ROS1: variants seen among roughly 807,000 people sequenced by gnomAD.
ROS1 encodes proto-oncogene tyrosine-protein kinase ROS.
In ROS1, 263 loss-of-function variants were observed where a neutral mutation model predicts 273.5. That is an observed-to-expected ratio of 0.96 (90% CI 0.87 to 1.06). The LOEUF is 1.06. Ranked by LOEUF, ROS1 falls within the 50% of genes least tolerant of loss-of-function variation. The probability of loss-of-function intolerance (pLI) is 0.00; values close to 1 mark genes in which losing one functional copy is unlikely to be tolerated. For missense variants in ROS1, 2,833 were observed against 2,751.1 expected (o/e 1.03, Z -0.67); for synonymous variants, 1,008 against 954.1 (o/e 1.06, Z -1.04).
chr6:117,288,847 T>TACAAATAAA, intron 43 of ROS1, 45 bp from the exon 44 acceptor site: 1 of 1,426,772 alleles, frequency 7.0e-7, no homozygotes, highest in Non-Finnish European at 9.4e-7. Flanking sequence ...ATTTAATTAT[T>TACAAATAAA]TATTTGTAAT....
intron 27 of ROS1, among the ~76,000 whole-genome samples, chr6:117,349,200 C>T (rs1300363476): frequency 1.3e-5 from 2 of 151,818 alleles, no homozygotes; most frequent in Admixed American, 6.6e-5. Flanking sequence ...GTGATAGTGG[C>T]TTCATCTGTT....
Position 117,359,972 on chromosome 6 carries a change from T to C in ROS1, c.3470A>G (p.Asn1157Ser), listed in dbSNP as rs1779652984. ...PFPHLITLLG[N>S]KIVFLDMDQN... ...ATCCATATCTAAAAAAACTATCTTGTTACCAAGAAGAGTTATGAGGTGAGG... is the reference window on the plus strand; with the variant it reads ...ATCCATATCTAAAAAAACTATCTTGCTACCAAGAAGAGTTATGAGGTGAGG... The change falls in exon 24 of 44, where the codon AAC becomes AGC. Residue 1157 changes from asparagine to serine, a missense_variant. Coordinates refer to ENST00000368507, the MANE Select transcript of ROS1 (RefSeq NM_001378902.1). The C allele has an allele frequency of 2.5e-6, 4 of 1,613,732 alleles. No individual in the cohort carries two copies. The highest frequency in any genetic ancestry group is 1.7e-5 in the Admixed American group (1 of 59,970).
In ROS1 at chr6:117,366,099, T is replaced by A; in HGVS notation, c.2774A>T (p.Gln925Leu). 2.5e-6 allele frequency: 4 copies of A among 1,614,008 alleles called. No homozygotes were observed. Among genetic ancestry groups the A allele is most frequent in the Non-Finnish European group, 3.4e-6 (4 of 1,179,860 alleles). ...ACCTGGCAGGGGCTTAAGGGATGTCTGAATAATTGTGAACTGATTAAATCT... is the reference window on the plus strand; with the variant it reads ...ACCTGGCAGGGGCTTAAGGGATGTCAGAATAATTGTGAACTGATTAAATCT... ...PARFNQFTII[Q>L]TSLKPLPGNF... Residue 925 changes from glutamine (Q) to leucine (L), a missense_variant, in exon 19 of 44, where the codon CAG becomes CTG. Gln to Leu is a moderately radical substitution (Grantham distance 113). Coordinates refer to ENST00000368507, the MANE Select transcript of ROS1 (RefSeq NM_001378902.1).
chr6:117,396,204 G>A lies in ROS1; in HGVS notation c.867C>T (p.Thr289=), dbSNP rs1290624561. 1.2e-6 allele frequency: 2 copies of A among 1,613,110 alleles called. No homozygotes were observed. The highest frequency in any genetic ancestry group is 2.7e-5 in the African/African-American group (2 of 74,980). Residue 289 remains threonine, a synonymous_variant, in exon 9 of 44, where the codon ACC becomes ACT. Coordinates refer to ENST00000368507, the MANE Select transcript of ROS1 (RefSeq NM_001378902.1). ...GEGPEAESSI[T]TSSSAVQQEE... is the part of the protein sequence containing the mutation. ...GACCCATACCTGCTGAAGATGAAGT[G>A]GTAATACTAGATTCTGCTTCTGGAC...
At position 117,365,219 on chromosome 6, in the gene ROS1, G is replaced by T. The variant is rs1780119107; in HGVS notation, c.2959-15C>A. On this transcript the variant is annotated splice_polypyrimidine_tract_variant and intron_variant, in intron 20 of 43. Coordinates refer to ENST00000368507, the MANE Select transcript of ROS1 (RefSeq NM_001378902.1). ...CTAGCCAAGAACTAAAATATAAACA[G>T]AAAACATTATTTTCTCAGGGAGAGA... 2 of 1,562,166 alleles carry T rather than the reference G, an allele frequency of 1.3e-6. No individual in the cohort carries two copies. Among genetic ancestry groups the T allele is most frequent in the Non-Finnish European group, 1.7e-6 (2 of 1,151,318 alleles).
intron 7 of ROS1, 29 bp from the exon 8 acceptor site, chr6:117,397,145 C>T (rs1428238485): frequency 2.9e-6 from 4 of 1,398,416 alleles, no homozygotes; most frequent in Admixed American, 1.9e-5. Flanking sequence ...ACATAATGAG[C>T]AGAAAAATGT....
At chr6:117,337,434 T>G in intron 31 of ROS1, 94 bp from the exon 32 acceptor site, 4 of 894,750 alleles carry the variant, frequency 4.5e-6, no homozygotes, top group Non-Finnish European at 6.6e-6. Context: ...TGGTTAAAAT[T>G]TAAGCATTCT....
intron 1 of ROS1, among the ~76,000 whole-genome samples, chr6:117,422,361 C>A (rs1201993719): frequency 6.6e-6 from 1 of 152,082 alleles, no homozygotes; most frequent in Non-Finnish European, 1.5e-5. Flanking sequence ...TTGAATCTGG[C>A]AGTTATGTAG....
Position 117,414,552 on chromosome 6 carries a change from A to T in ROS1, c.229-7T>A, listed in dbSNP as rs777233453. 4 of 719,868 alleles carry T rather than the reference A, an allele frequency of 5.6e-6. No individual in the cohort carries two copies. In the African/African-American group the frequency reaches 7.4e-5, roughly 13 times the overall value. 44.6% of individuals were successfully genotyped at this position (719,868 alleles called of 1,614,324 possible). A position where few individuals can be genotyped will look rare whatever the true frequency, so the allele number is the denominator to read the frequency against. On this transcript the variant is annotated splice_region_variant and splice_polypyrimidine_tract_variant and intron_variant, in intron 3 of 43. Transcript: ENST00000368507. The stretch of plus-strand genomic sequence containing the variant: ...CGGTGGCATAAGTATCATTCTGCAT[A>T]GAAAAAAAAAAAGACTACTTAAAAT...
chr6:117,373,268 C>T (rs558254118), intron 18 of ROS1, among the ~76,000 whole-genome samples: 18 of 152,370 alleles, frequency 1.2e-4, no homozygotes, highest in African/African-American at 4.1e-4. Flanking sequence ...GAGCTGCCCG[C>T]CAGTCCTACA....
intron 42 of ROS1, 139 bp from the exon 43 acceptor site, chr6:117,301,276 G>A: frequency 1.5e-6 from 1 of 656,574 alleles, no homozygotes; most frequent in Non-Finnish European, 2.4e-6. Flanking sequence ...TCAAAACAAA[G>A]GCTTTGATTT....
intron 25 of ROS1, 80 bp downstream of exon 25, chr6:117,357,724 A>T: frequency 2.1e-6 from 2 of 934,266 alleles, no homozygotes; most frequent in Non-Finnish European, 3.2e-6. Context: ...ATTGTCTTCT[A>T]CTATTAAACC....
intron 43 of ROS1, among the ~76,000 whole-genome samples, chr6:117,296,927 A>G (rs574921419): frequency 1.1e-4 from 16 of 152,302 alleles, no homozygotes; most frequent in African/African-American, 3.6e-4. Context: ...AAATATAGAC[A>G]TCTACTATGT....
At chr6:117,326,665 C>A (rs1023418026) in intron 33 of ROS1, among the ~76,000 whole-genome samples, 2 of 152,028 alleles carry the variant, frequency 1.3e-5, no homozygotes, top group Non-Finnish European at 2.9e-5. Flanking sequence ...GAAGAGAGAG[C>A]TGAGTACCTT....
rs764921433 is a variant in ROS1, at chr6:117,365,653, G to A, written c.2886C>T (p.Ile962=). The change falls in exon 20 of 44, where the codon ATC becomes ATT. Residue 962 remains isoleucine, a synonymous_variant. Transcript: ENST00000368507. ...RIEGNASSFQ[I]LWNGPPAVDW... is the part of the protein sequence containing the mutation. ...CTACCGCAGGGGGACCATTCCACAG[G>A]ATTTGAAAACTTGAAGCATTTCCTT... The A allele has an allele frequency of 1.6e-5, 26 of 1,612,628 alleles. No individual in the cohort carries two copies. The South Asian group carries it at 2.6e-4, about 16-fold the overall frequency.
rs868820367 is a variant in ROS1 at position 117,333,374 on chromosome 6, C to T, written c.5230+3798G>A. 2.0e-5 allele frequency among the ~76,000 whole-genome samples: 3 copies of T among 152,122 alleles called. No individual in the cohort carries two copies. In the South Asian group the frequency reaches 6.2e-4, roughly 32 times the overall value. ...TTAATAGACTACCAACCAAAAAAAG[C>T]CCAGGACCAGATGGATTCACAGCTG... is the stretch of plus-strand genomic sequence containing the variant. On this transcript the variant is annotated intron_variant, in intron 32 of 43. Coordinates refer to ENST00000368507, the MANE Select transcript of ROS1 (RefSeq NM_001378902.1).
intron 5 of ROS1, among the ~76,000 whole-genome samples, chr6:117,404,714 C>T (rs913133270): frequency 2.0e-5 from 3 of 152,146 alleles, no homozygotes; most frequent in Non-Finnish European, 4.4e-5. Flanking sequence ...TCTGAGCTGT[C>T]CAGTTTTCTC....
chr6:117,352,360 A>T (rs1778944096), intron 27 of ROS1, among the ~76,000 whole-genome samples: 1 of 152,216 alleles, frequency 6.6e-6, no homozygotes, highest in Non-Finnish European at 1.5e-5. Flanking sequence ...AACATGATAC[A>T]TGCCTTTCTA....
At chr6:117,406,482 GTGGTACATAGACAT>G (rs1342037406) in intron 5 of ROS1, among the ~76,000 whole-genome samples, 1 of 152,122 alleles carries the variant, frequency 6.6e-6, no homozygotes, top group Admixed American at 6.5e-5. Flanking sequence ...TCATTTGTTA[GTGGTACATAGACAT>G]TGATCCATAG....
Sources: allele counts gnomAD v4.1 joint callset (sites outside exome capture counted in the v4.1 genomes callset), GRCh38; gene constraint gnomAD v4.1.1; transcripts MANE v1.5; gene names NCBI Gene and HGNC (gene_info 2026-07-23, HGNC 2026-07-21).